INTS6: variants seen among roughly 807,000 people sequenced by gnomAD.
INTS6 encodes the protein integrator complex subunit 6.
A neutral mutation model predicts 104.9 loss-of-function variants in INTS6; 16 were observed. The ratio of observed to expected loss-of-function variants is 0.15; its 90% CI spans 0.10 to 0.23. The LOEUF is 0.23. INTS6 is among the 10% of genes least tolerant of loss of function. INTS6 has a pLI of 1.00. For missense variants in INTS6, 584 were observed against 1,062.8 expected, an observed-to-expected ratio of 0.55 and a Z score of 6.26; for synonymous variants, 324 against 358.7, an observed-to-expected ratio of 0.90 and a Z score of 1.09.
At chr13:51,431,226 A>G (rs1186184780) in intron 3 of INTS6, among the ~76,000 whole-genome samples, 1 of 152,218 alleles carries the variant, frequency 6.6e-6, no homozygotes, top group Admixed American at 6.5e-5. Context: ...CTAAGACCAA[A>G]GGATATAAAT....
At chr13:51,397,633 T>C (rs1376918438) in intron 4 of INTS6, among the ~76,000 whole-genome samples, 1 of 152,174 alleles carries the variant, frequency 6.6e-6, no homozygotes, top group African/African-American at 2.4e-5. Flanking sequence ...TAAACCACCT[T>C]TAAAGTATTT....
chr13:51,391,728 C>T (rs891795042), intron 5 of INTS6, among the ~76,000 whole-genome samples: 4 of 152,126 alleles, frequency 2.6e-5, no homozygotes, highest in African/African-American at 9.7e-5. Context: ...GCAGTATTAG[C>T]ATCTTTGTCA....
At chr13:51,432,500 G>C (rs111293880) in intron 3 of INTS6, among the ~76,000 whole-genome samples, 1 of 149,432 alleles carries the variant, frequency 6.7e-6, no homozygotes, top group East Asian at 1.9e-4. Context: ...ATTTTTTCAT[G>C]TGTTTGAACA....
At chr13:51,408,124 C>T (rs1956610611) in intron 4 of INTS6, among the ~76,000 whole-genome samples, 1 of 149,288 alleles carries the variant, frequency 6.7e-6, no homozygotes. Flanking sequence ...AACATTTAGA[C>T]TAGAATAAAC....
chr13:51,347,502 G>A, the INTS6 span, among the ~76,000 whole-genome samples: 1 of 152,178 alleles, frequency 6.6e-6, no homozygotes, highest in East Asian at 1.9e-4. Context: ...TTCTGCACTA[G>A]TAGAGTTTGG....
chr13:51,438,122 CA>C (rs750378167), intron 3 of INTS6: 10 of 152,150 alleles, frequency 6.6e-5, no homozygotes, highest in Non-Finnish European at 1.0e-4. Context: ...ACTAACCCAA[CA>C]TTGCTAAGAT....
chr13:51,419,648 A>G (rs146286205), intron 4 of INTS6, among the ~76,000 whole-genome samples: 262 of 152,286 alleles, frequency 1.7e-3, no homozygotes, highest in African/African-American at 6.1e-3. Flanking sequence ...CTATGCCATA[A>G]CTGTACCTCT....
At chr13:51,434,730 G>A (rs1277102751) in intron 3 of INTS6, among the ~76,000 whole-genome samples, 49 of 141,654 alleles carry the variant, frequency 3.5e-4, no homozygotes, top group Non-Finnish European at 1.5e-5. Context: ...GTAGCTCCAA[G>A]AAAGTTTTCT....
chr13:51,338,923 T>C, the INTS6 span, among the ~76,000 whole-genome samples: 3 of 152,242 alleles, frequency 2.0e-5, no homozygotes, highest in Non-Finnish European at 2.9e-5. Flanking sequence ...TAACCACATA[T>C]AAGCTACCAT....
intron 4 of INTS6, among the ~76,000 whole-genome samples, chr13:51,408,039 T>C (rs1454253048): frequency 6.8e-6 from 1 of 146,318 alleles, no homozygotes; most frequent in Non-Finnish European, 1.5e-5. Context: ...AAAAGTACAA[T>C]AACATTTTCA....
intron 3 of INTS6, chr13:51,449,495 T>C: frequency 2.0e-6 from 2 of 985,384 alleles, no homozygotes; most frequent in Non-Finnish European, 2.4e-6. Context: ...TTAAGAAGTA[T>C]TTTTAATAGG....
Position 51,363,653 on chromosome 13 carries a change from A to G in INTS6, c.*2099T>C, listed in dbSNP as rs1955628305. ...TCCCCTTTGACAATAATTCTACAAC[A>G]AGTATTCTAATTTAACTAATATACC... is the stretch of plus-strand genomic sequence containing the variant. On this transcript the variant is annotated 3_prime_UTR_variant, in exon 18 of 18. Coordinates refer to ENST00000311234, the MANE Select transcript of INTS6 (RefSeq NM_012141.3). 6.6e-6 allele frequency: 1 copy of G among 151,908 alleles called. No homozygotes were observed. Among genetic ancestry groups the G allele is most frequent in the African/African-American group, 2.4e-5 (1 of 41,366 alleles). 9.4% of individuals were successfully genotyped at this position (151,908 alleles called of 1,614,324 possible).
At chr13:51,359,576 C>T (rs909823788), downstream of INTS6, among the ~76,000 whole-genome samples, 2 of 152,060 alleles carry the variant, frequency 1.3e-5, no homozygotes, top group African/African-American at 2.4e-5. Context: ...CAGACTCATC[C>T]ACATCAACTG....
intron 12 of INTS6, among the ~76,000 whole-genome samples, chr13:51,377,411 T>C (rs939842548): frequency 6.6e-6 from 1 of 152,184 alleles, no homozygotes; most frequent in Admixed American, 6.5e-5. Flanking sequence ...TAGAAATCTT[T>C]GCTAACTCAA....
At chr13:51,389,209 T>C (rs1230940858) in intron 6 of INTS6, 110 bp downstream of exon 6, 2 of 1,082,740 alleles carry the variant, frequency 1.8e-6, no homozygotes, top group Non-Finnish European at 1.3e-6. Context: ...CTTTCTGTCT[T>C]AATAATTTGG....
At chr13:51,412,639 G>A (rs1410839264) in intron 4 of INTS6, among the ~76,000 whole-genome samples, 1 of 152,006 alleles carries the variant, frequency 6.6e-6, no homozygotes, top group East Asian at 1.9e-4. Flanking sequence ...TCCCTCTTAA[G>A]GCAACATAAT....
chr13:51,360,998 A>C (rs955390632), downstream of INTS6, among the ~76,000 whole-genome samples: 1 of 152,078 alleles, frequency 6.6e-6, no homozygotes, highest in Admixed American at 6.6e-5. Context: ...AAAATGGGGC[A>C]GTGCTCTGAA....
At chr13:51,394,266 G>C (rs4409985) in intron 5 of INTS6, among the ~76,000 whole-genome samples, 1 of 151,934 alleles carries the variant, frequency 6.6e-6, no homozygotes. Context: ...AAGGCATTAC[G>C]AAAGTTCACA....
chr13:51,391,175 C>T (rs1956239545), intron 5 of INTS6, among the ~76,000 whole-genome samples: 1 of 152,024 alleles, frequency 6.6e-6, no homozygotes, highest in Admixed American at 6.6e-5. Flanking sequence ...AAAAGGCTAA[C>T]CATCTTTACA....
Sources: gnomAD v4.1 joint callset for allele counts (sites outside exome capture counted in the v4.1 genomes callset) on GRCh38, gnomAD v4.1.1 for gene constraint, MANE v1.5 for transcripts, NCBI Gene and HGNC (gene_info 2026-07-23, HGNC 2026-07-21) for gene names.